PRKCH: variants seen among roughly 807,000 people sequenced by gnomAD.
The protein encoded by PRKCH is protein kinase C eta type.
PRKCH carries 28 observed loss-of-function variants against 82.5 expected under a neutral mutation model. The ratio of observed to expected loss-of-function variants is 0.34; its 90% CI spans 0.25 to 0.47. PRKCH has a LOEUF of 0.47. PRKCH is among the 20% of genes least tolerant of loss of function. The probability of loss-of-function intolerance (pLI) is 1.00; values close to 1 mark genes in which losing one functional copy is unlikely to be tolerated. For synonymous variants in PRKCH, 322 were observed against 327.4 expected (o/e 0.98, Z 0.18); for missense variants, 705 against 881.8 (o/e 0.80, Z 2.54).
chr14:61,472,102 C>T (rs1009912410), intron 9 of PRKCH, among the ~76,000 whole-genome samples: 2 of 152,154 alleles, frequency 1.3e-5, no homozygotes, highest in African/African-American at 2.4e-5. Context: ...ACAGCGGAAG[C>T]GTGCAGCGTC....
chr14:61,497,581 A>G (rs985563808), intron 10 of PRKCH, among the ~76,000 whole-genome samples: 1 of 152,176 alleles, frequency 6.6e-6, no homozygotes, highest in African/African-American at 2.4e-5. Flanking sequence ...TACTCCAAAT[A>G]CTATATGGAA....
rs767091006 is a variant in PRKCH, at chr14:61,450,871, C to G, written c.732C>G (p.Ile244Met). ...CAGAACAGAGGTTCGGGATCAACAT[C>G]CCACACAAGTTCAGCATCCACAACT... ...KIAEQRFGIN[I>M]PHKFSIHNYK... The change falls in exon 6 of 14, where the codon ATC becomes ATG. Residue 244 changes from isoleucine to methionine, a missense_variant. Around this residue, in one of 5 missense-constraint regions of PRKCH, gnomAD observed 15 missense variants for 40.7 expected, o/e 0.37. Transcript: ENST00000332981. 7 of 1,613,764 alleles carry G rather than the reference C, an allele frequency of 4.3e-6. No individual in the cohort carries two copies. Among genetic ancestry groups the G allele is most frequent in the Non-Finnish European group, 5.1e-6 (6 of 1,179,916 alleles).
At chr14:61,492,774 A>G (rs1303195039) in intron 10 of PRKCH, among the ~76,000 whole-genome samples, 2 of 152,226 alleles carry the variant, frequency 1.3e-5, no homozygotes, top group African/African-American at 4.8e-5. Flanking sequence ...GCCATTAATA[A>G]GTCATGGCAG....
intron 1 of PRKCH, among the ~76,000 whole-genome samples, chr14:61,371,145 T>G (rs1377485683): frequency 6.6e-6 from 1 of 152,108 alleles, no homozygotes; most frequent in Non-Finnish European, 1.5e-5. Context: ...CAGTTTTTAT[T>G]TAAAAGCATT....
intron 1 of PRKCH, among the ~76,000 whole-genome samples, chr14:61,261,343 A>T (rs2045042315): frequency 6.6e-6 from 1 of 152,216 alleles, no homozygotes; most frequent in Non-Finnish European, 1.5e-5. Flanking sequence ...TGAGAAACAG[A>T]TGTAAGCTCT....
At chr14:61,383,697 AATAG>A (rs2140189282) in intron 1 of PRKCH, among the ~76,000 whole-genome samples, 1 of 152,120 alleles carries the variant, frequency 6.6e-6, no homozygotes, top group East Asian at 1.9e-4. Flanking sequence ...CAAATGAATG[AATAG>A]ATAGGTGCGG....
chr14:61,372,582 G>T (rs1489312123), intron 1 of PRKCH, among the ~76,000 whole-genome samples: 1 of 151,928 alleles, frequency 6.6e-6, no homozygotes, highest in Admixed American at 6.6e-5. Flanking sequence ...AACTTTATTG[G>T]CTAGAGTTCA....
chr14:61,285,295 C>T (rs2045305111), intron 1 of PRKCH, among the ~76,000 whole-genome samples: 1 of 152,158 alleles, frequency 6.6e-6, no homozygotes, highest in African/African-American at 2.4e-5. Flanking sequence ...GAGCTAAGCA[C>T]AGAATATATT....
intron 1 of PRKCH, among the ~76,000 whole-genome samples, chr14:61,226,652 T>C (rs1199198439): frequency 6.6e-6 from 1 of 152,244 alleles, no homozygotes. Flanking sequence ...CACAAAGCAT[T>C]GTATTTGGCA....
intron 1 of PRKCH, among the ~76,000 whole-genome samples, chr14:61,235,727 A>G (rs1018143900): frequency 6.6e-6 from 1 of 152,228 alleles, no homozygotes; most frequent in Non-Finnish European, 1.5e-5. Context: ...AACTTCAGAC[A>G]AATTAAATTT....
chr14:61,429,230 G>A (rs897702251), intron 2 of PRKCH, among the ~76,000 whole-genome samples: 19 of 152,156 alleles, frequency 1.2e-4, no homozygotes, highest in African/African-American at 4.6e-4. Context: ...AAAGTAGACT[G>A]GAAGACCAGA....
intron 2 of PRKCH, among the ~76,000 whole-genome samples, chr14:61,435,827 T>C (rs1443749006): frequency 1.3e-5 from 2 of 152,196 alleles, no homozygotes; most frequent in African/African-American, 2.4e-5. Flanking sequence ...AAGCATGGTA[T>C]GCAGGGAACC....
intron 1 of PRKCH, among the ~76,000 whole-genome samples, chr14:61,294,182 G>A (rs7159410): frequency 0.2 from 29,845 of 151,388 alleles, 3,328 homozygotes; most frequent in African/African-American, 0.31. Context: ...GTGCAGTGGC[G>A]CGATCTCGGC....
intron 1 of PRKCH, among the ~76,000 whole-genome samples, chr14:61,272,985 C>G (rs541101092): frequency 6.6e-6 from 1 of 152,270 alleles, no homozygotes; most frequent in African/African-American, 2.4e-5. Flanking sequence ...GAAAGTTTAA[C>G]ATAACAAAAT....
intron 10 of PRKCH, among the ~76,000 whole-genome samples, chr14:61,503,319 A>C (rs1340341919): frequency 6.7e-6 from 1 of 149,864 alleles, no homozygotes; most frequent in Non-Finnish European, 1.5e-5. Flanking sequence ...TCCTGTAAGA[A>C]TCTGGTTGAG....
chr14:61,325,153 C>G (rs1025867399), intron 1 of PRKCH, among the ~76,000 whole-genome samples: 1 of 152,136 alleles, frequency 6.6e-6, no homozygotes, highest in Non-Finnish European at 1.5e-5. Flanking sequence ...AGTACTGAGA[C>G]CAGTCTAAGA....
In PRKCH at chr14:61,287,384, T is replaced by C. The variant is rs577016522; in HGVS notation, c.-19+99716T>C. 2.0e-5 allele frequency among the ~76,000 whole-genome samples: 3 copies of C among 151,526 alleles called. No individual in the cohort carries two copies. The South Asian group carries it at 6.3e-4, about 32-fold the overall frequency. On this transcript the variant is annotated intron_variant, in intron 1 of 3. Transcript: ENST00000555185. The stretch of plus-strand genomic sequence containing the variant: ...ATTGAGACAGAGGGGAAGGAAGAGC[T>C]CTGTACTGGAAAGAAGAGAGGGGGT...
chr14:61,422,820 G>A (rs1566873429), intron 2 of PRKCH, among the ~76,000 whole-genome samples: 1 of 152,128 alleles, frequency 6.6e-6, no homozygotes. Context: ...CAGAAACATT[G>A]CAGTAGGCTA....
At chr14:61,289,825 G>A (rs1440888557) in intron 1 of PRKCH, among the ~76,000 whole-genome samples, 1 of 152,264 alleles carries the variant, frequency 6.6e-6, no homozygotes, top group Non-Finnish European at 1.5e-5. Flanking sequence ...GGAGCTGAGT[G>A]AGAAGCTGGT....
Sources: allele counts gnomAD v4.1 joint callset (sites outside exome capture counted in the v4.1 genomes callset), GRCh38; gene constraint gnomAD v4.1.1; regional missense constraint gnomAD v4.1.1; transcripts MANE v1.5; gene names NCBI Gene and HGNC (gene_info 2026-07-23, HGNC 2026-07-21).